CENPI: variants seen among roughly 807,000 people sequenced by gnomAD.
CENPI encodes FSH primary response 1.
In CENPI, 4 loss-of-function variants were observed where a neutral mutation model predicts 60.4. The ratio of observed to expected loss-of-function variants is 0.07; its 90% CI spans 0.03 to 0.15. CENPI has a LOEUF of 0.15. Ranked by LOEUF, CENPI falls within the 10% of genes least tolerant of loss-of-function variation. CENPI has a pLI of 1.00. For missense variants in CENPI, 444 were observed against 534.5 expected (o/e 0.83, Z 1.67); for synonymous variants, 157 against 189.4 (o/e 0.83, Z 1.40).
downstream of CENPI, among the ~76,000 whole-genome samples, chrX:101,167,935 G>A (rs1330959885): frequency 1.8e-5 from 2 of 111,762 alleles, no homozygotes; most frequent in Non-Finnish European, 1.9e-5. Flanking sequence ...GCCAAGGGAG[G>A]GGGTCAGGGC....
chrX:101,105,642 A>G (rs1318996933), intron 4 of CENPI, among the ~76,000 whole-genome samples: 3 of 111,603 alleles, frequency 2.7e-5, no homozygotes, highest in Admixed American at 9.6e-5. Context: ...TGGTATGATC[A>G]TGGTTCACTG....
chrX:101,118,907 G>T (rs1300153015), intron 6 of CENPI, among the ~76,000 whole-genome samples: 1 of 112,018 alleles, frequency 8.9e-6, no homozygotes, highest in African/African-American at 3.2e-5. Context: ...CCGGCCAGGT[G>T]TGGTGGCGCA....
At chrX:101,171,621 CTG>C in the CENPI span, among the ~76,000 whole-genome samples, 24,114 of 110,196 alleles carry the variant, frequency 0.22, 1,956 homozygotes, top group South Asian at 0.32. Context: ...TTTGTAGAAA[CTG>C]AGTCTGTGGC....
intron 20 of CENPI, among the ~76,000 whole-genome samples, chrX:101,157,752 A>G (rs961921700): frequency 2.9e-4 from 32 of 110,107 alleles, no homozygotes; most frequent in African/African-American, 1.0e-3. Flanking sequence ...ATAATGATCA[A>G]GTTAGAGTAA....
intron 4 of CENPI, among the ~76,000 whole-genome samples, chrX:101,104,447 AC>A (rs2089459952): frequency 8.9e-6 from 1 of 111,734 alleles, no homozygotes; most frequent in Non-Finnish European, 1.9e-5. Flanking sequence ...GACTCTAAAC[AC>A]TCTCATTTAA....
chrX:101,159,551 C>T (rs928552148), intron 20 of CENPI, among the ~76,000 whole-genome samples: 3 of 109,559 alleles, frequency 2.7e-5, no homozygotes, highest in Non-Finnish European at 5.7e-5. Flanking sequence ...CTCCGCCTCC[C>T]GAGTTCAAGT....
rs1368666418 is a variant in CENPI, at chrX:101,114,779, A to G, written c.591+4781A>G. Among the ~76,000 whole-genome samples, 34 of 109,289 alleles carry G rather than the reference A, an allele frequency of 3.1e-4. No homozygotes were observed. In the Admixed American group the frequency reaches 3.4e-3, roughly 11 times the overall value. 94.9% of individuals were successfully genotyped at this position (109,289 alleles called of 115,157 possible). On this transcript the variant is annotated intron_variant, in intron 6 of 21. Coordinates refer to ENST00000682095, the MANE Select transcript of CENPI (RefSeq NM_001386188.2). ...CTCAGCCTCCTGAGTAGCTGGGATTACAGTCATGTGCCACCACGCCTGGCT... is the reference window on the plus strand; with the variant it reads ...CTCAGCCTCCTGAGTAGCTGGGATTGCAGTCATGTGCCACCACGCCTGGCT...
At chrX:101,162,473 A>AATATATATATATATATAT (rs1556409815) in intron 21 of CENPI, among the ~76,000 whole-genome samples, 1 of 68,127 alleles carries the variant, frequency 1.5e-5, no homozygotes, top group African/African-American at 6.9e-5. Context: ...AAAAAAAAAA[A>AATATATATATATATATAT]ATATATATAT....
chrX:101,139,995 T>C lies in CENPI; in HGVS notation c.1471-671T>C, dbSNP rs767105515. ...GACTACAGGCGCCCGCCACCACGCC[T>C]GGCTAATTTTTTTTGTATTTTTAGT... is the stretch of plus-strand genomic sequence containing the variant. On this transcript the variant is annotated intron_variant, in intron 15 of 21. Transcript: ENST00000682095. Among the ~76,000 whole-genome samples, 39 of 110,379 alleles carry C rather than the reference T, an allele frequency of 3.5e-4. No individual in the cohort carries two copies. The East Asian group carries it at 4.8e-3, about 14-fold the overall frequency.
chrX:101,160,227 G>A (rs1157455827), intron 20 of CENPI, among the ~76,000 whole-genome samples: 1 of 111,067 alleles, frequency 9.0e-6, no homozygotes, highest in Admixed American at 9.7e-5. Flanking sequence ...CAATATTGGA[G>A]CATTGTTGTA....
the CENPI span, among the ~76,000 whole-genome samples, chrX:101,171,350 G>A: frequency 1.8e-5 from 2 of 111,578 alleles, no homozygotes; most frequent in African/African-American, 3.3e-5. Context: ...ATGGTACTGT[G>A]ACAATAGAAT....
chrX:101,149,637 G>C (rs749357351), intron 20 of CENPI, among the ~76,000 whole-genome samples: 4 of 109,541 alleles, frequency 3.7e-5, no homozygotes, highest in Non-Finnish European at 5.7e-5. Context: ...CTCCCGAATA[G>C]CTGGGATTAC....
chrX:101,178,827 C>A, the CENPI span, among the ~76,000 whole-genome samples: 2 of 112,041 alleles, frequency 1.8e-5, no homozygotes, highest in East Asian at 5.6e-4. Flanking sequence ...TCTTTGCCAT[C>A]GGTGAGCATT....
At chrX:101,127,304 T>A (rs2089746672) in intron 10 of CENPI, 38 bp downstream of exon 10, 1 of 1,108,769 alleles carries the variant, frequency 9.0e-7, no homozygotes, top group African/African-American at 1.9e-5. Context: ...CATGGCTTTC[T>A]TTTATTAAAT....
At chrX:101,175,320 A>T in the CENPI span, among the ~76,000 whole-genome samples, 2 of 111,938 alleles carry the variant, frequency 1.8e-5, no homozygotes, top group East Asian at 5.6e-4. Context: ...TTTTTAGTTT[A>T]TATAGATCTA....
intron 15 of CENPI, among the ~76,000 whole-genome samples, chrX:101,135,865 C>T (rs757570781): frequency 1.8e-5 from 2 of 111,322 alleles, no homozygotes; most frequent in South Asian, 7.6e-4. Context: ...GGATAACAGG[C>T]GCCCACCACC....
At chrX:101,121,928 G>A (rs894560909) in intron 8 of CENPI, among the ~76,000 whole-genome samples, 7 of 103,745 alleles carry the variant, frequency 6.7e-5, no homozygotes, top group African/African-American at 1.8e-4. Flanking sequence ...TCAGCCTCCC[G>A]AGTAGCTGGA....
intron 15 of CENPI, among the ~76,000 whole-genome samples, chrX:101,138,572 T>A (rs749996655): frequency 3.6e-5 from 4 of 110,513 alleles, no homozygotes; most frequent in Non-Finnish European, 5.7e-5. Flanking sequence ...GTGATCCACC[T>A]GCCTCAGCCT....
intron 8 of CENPI, among the ~76,000 whole-genome samples, chrX:101,121,552 G>A (rs1256394737): frequency 9.0e-6 from 1 of 110,502 alleles, no homozygotes; most frequent in African/African-American, 3.3e-5. Context: ...GCCTCCCAAA[G>A]TGCAGGGATT....
Sources: allele counts gnomAD v4.1 joint callset (sites outside exome capture counted in the v4.1 genomes callset), GRCh38; gene constraint gnomAD v4.1.1; transcripts MANE v1.5; gene names NCBI Gene and HGNC (gene_info 2026-07-23, HGNC 2026-07-21).